Variants in BOD1L1 observed in about 807,000 individuals in gnomAD.
BOD1L1 encodes biorientation of chromosomes in cell division 1 like 1, also known as biorientation of chromosomes in cell division protein 1-like 1.
Under a neutral mutation model 240.7 loss-of-function variants are expected in BOD1L1, and 86 were observed. That is an observed-to-expected ratio of 0.36 (90% CI 0.30 to 0.43). The LOEUF is 0.43. BOD1L1 is among the 20% of genes least tolerant of loss of function. The probability of loss-of-function intolerance (pLI) is 1.00; values close to 1 mark genes in which losing one functional copy is unlikely to be tolerated. For missense variants in BOD1L1, 3,554 were observed against 3,643.5 expected (o/e 0.98, Z 0.63); for synonymous variants, 1,268 against 1,272.3 (o/e 1.00, Z 0.07).
intron 12 of BOD1L1, among the ~76,000 whole-genome samples, 199 bp downstream of exon 12, chr4:13,595,661 T>C (rs1714561147): frequency 6.6e-6 from 1 of 152,216 alleles, no homozygotes; most frequent in African/African-American, 2.4e-5. Context: ...CCCTACATAA[T>C]GTTGATTGAC....
In BOD1L1 at chr4:13,604,268, T is replaced by C. The variant is rs1193809542; in HGVS notation, c.2632A>G (p.Met878Val). The change falls in exon 10 of 26, where the codon ATG becomes GTG. Residue 878 changes from methionine to valine, a missense_variant. Coordinates refer to ENST00000040738, the MANE Select transcript of BOD1L1 (RefSeq NM_148894.3). ...SESYSEDKCD[M>V]DSTNMDSNLK... ...TTACTATCCATGTTAGTGGAGTCCA[T>C]ATCACACTTATCTTCCGAATAACTT... is the stretch of plus-strand genomic sequence containing the variant. The C allele has an allele frequency of 5.0e-6, 8 of 1,610,496 alleles. No homozygotes were observed. The African/African-American group carries it at 6.7e-5, about 13-fold the overall frequency.
rs551321662 is a variant in BOD1L1 at position 13,614,563 on chromosome 4, T to C, written c.807A>G (p.Glu269=). 6.2e-7 allele frequency: 1 copy of C among 1,614,044 alleles called. No individual in the cohort carries two copies. The highest frequency in any genetic ancestry group is 2.2e-5 in the East Asian group (1 of 44,882). Residue 269 remains glutamate (E), a synonymous_variant, in exon 4 of 26, where the codon GAA becomes GAG. Transcript: ENST00000040738. ...KEKSTADSGG[E]GLETAPKSEE... is the part of the protein sequence containing the mutation. ...CAGACTTTGGGGCTGTTTCCAGTCC[T>C]TCACCTCCAGAGTCAGCTGTAGATT...
At position 13,569,300 on chromosome 4, in the gene BOD1L1, A is replaced by G. The variant is rs1712006603; in HGVS notation, c.*711T>C. On this transcript the variant is annotated 3_prime_UTR_variant, in exon 26 of 26. Coordinates refer to ENST00000040738, the MANE Select transcript of BOD1L1 (RefSeq NM_148894.3). ...GTTTTGTGTCAACGTGGCTGGTAGT[A>G]AAGTCACAGATGCAAGTATAATCTA... is the stretch of plus-strand genomic sequence containing the variant. 6.6e-6 allele frequency: 1 copy of G among 152,240 alleles called. No homozygotes were observed. The allele number at this position is 152,240 out of a possible 1,614,324, so 9.4% of individuals were successfully genotyped here.
Position 13,603,682 on chromosome 4 carries a change from T to C in BOD1L1, c.3218A>G (p.Asn1073Ser). ...TTCTTGTGACAAGCTTCCTCTCCGATTTTCGCACAACCTTCTACTTAATTT... is the reference window on the plus strand; with the variant it reads ...TTCTTGTGACAAGCTTCCTCTCCGACTTTCGCACAACCTTCTACTTAATTT... The part of the protein sequence containing the change: ...EKKLSRRLCE[N>S]RRGSLSQEMA... Residue 1073 changes from asparagine to serine, a missense_variant, in exon 10 of 26, where the codon AAT (asparagine) becomes AGT (serine). By Grantham distance (46) the Asn-to-Ser change is conservative. Coordinates refer to ENST00000040738, the MANE Select transcript of BOD1L1 (RefSeq NM_148894.3). 3 of 1,614,010 alleles carry C rather than the reference T, an allele frequency of 1.9e-6. No individual in the cohort carries two copies. Among genetic ancestry groups the C allele is most frequent in the Non-Finnish European group, 2.5e-6 (3 of 1,179,878 alleles).
chr4:13,573,603 A>C (rs1387735742), intron 25 of BOD1L1, among the ~76,000 whole-genome samples: 1 of 152,060 alleles, frequency 6.6e-6, no homozygotes, highest in Non-Finnish European at 1.5e-5. Flanking sequence ...TTCTCACTGC[A>C]ACCTCCACTT....
rs147679849 is a variant in BOD1L1 at position 13,607,117 on chromosome 4, C to A, written c.1815G>T (p.Glu605Asp). Residue 605 changes from glutamate to aspartate, a missense_variant and splice_region_variant, in exon 9 of 26, where the codon GAG (glutamate) becomes GAT (aspartate). Transcript: ENST00000040738. ...EDSKETLKTSEHCEKEKISSS... is the reference protein window; with the variant it reads ...EDSKETLKTSDHCEKEKISSS... ...GAAATGAGGTTTTATTAAGGCATAC[C>A]TCACTTGTTTTAAGGGTTTCTTTGG... 6.4e-7 allele frequency: 1 copy of A among 1,551,168 alleles called. No individual in the cohort carries two copies. The highest frequency in any genetic ancestry group is 2.4e-5 in the East Asian group (1 of 41,166).
rs1403411795 is a variant in BOD1L1 at position 13,600,807 on chromosome 4, ATCT to A, written c.6090_6092del (p.Glu2030del). 1.2e-6 allele frequency: 2 copies of A among 1,613,918 alleles called. No homozygotes were observed. The highest frequency in any genetic ancestry group is 1.7e-5 in the Admixed American group (1 of 60,014). The stretch of plus-strand genomic sequence containing the variant: ...TTTCTACAGAGGTGATGATGTCCTC[ATCT>A]TCTTTTTCACTTGGTGATGTGTGAG... On this transcript the variant is annotated inframe_deletion, in exon 10 of 26. Coordinates refer to ENST00000040738, the MANE Select transcript of BOD1L1 (RefSeq NM_148894.3).
chr4:13,603,265 G>A lies in BOD1L1; in HGVS notation c.3635C>T (p.Ala1212Val), dbSNP rs759350134. 6.2e-7 allele frequency: 1 copy of A among 1,613,938 alleles called. No individual in the cohort carries two copies. The highest frequency in any genetic ancestry group is 8.5e-7 in the Non-Finnish European group (1 of 1,179,880). ...TLTKKMHIQSAVSKMNPGEKE... is the reference protein window; with the variant it reads ...TLTKKMHIQSVVSKMNPGEKE... Reference sequence around the variant, plus strand: ...CTCCCCAGGGTTCATTTTGGACACAGCACTTTGTATATGCATTTTCTTGGT... The same window carrying A: ...CTCCCCAGGGTTCATTTTGGACACAACACTTTGTATATGCATTTTCTTGGT... Residue 1212 changes from alanine (A) to valine (V), a missense_variant, in exon 10 of 26, where the codon GCT becomes GTT. By Grantham distance (64) the Ala-to-Val change is moderately conservative. Transcript: ENST00000040738.
In BOD1L1 at chr4:13,627,700, A is replaced by G; in HGVS notation, c.-113T>C. On this transcript the variant is annotated 5_prime_UTR_variant, in exon 1 of 26. Transcript: ENST00000040738. Reference sequence around the variant, plus strand: ...GCCAACGGGATGTTGTTACGGAACCAGCGGATCCAGAGCAACCCCGGAAGT... The same window carrying G: ...GCCAACGGGATGTTGTTACGGAACCGGCGGATCCAGAGCAACCCCGGAAGT... 2.1e-6 allele frequency: 2 copies of G among 937,264 alleles called. No homozygotes were observed. Among genetic ancestry groups the G allele is most frequent in the Non-Finnish European group, 2.6e-6 (2 of 781,110 alleles). 58.1% of individuals were successfully genotyped at this position (937,264 alleles called of 1,614,324 possible).
At chr4:13,587,658 A>G (rs749100705) in intron 16 of BOD1L1, 41 bp downstream of exon 16, 2 of 1,412,828 alleles carry the variant, frequency 1.4e-6, no homozygotes, top group African/African-American at 1.4e-5. Context: ...AAAAATAATG[A>G]TTTTCAAAGA....
chr4:13,597,758 T>C (rs1054910936), intron 10 of BOD1L1, among the ~76,000 whole-genome samples: 2 of 152,228 alleles, frequency 1.3e-5, no homozygotes, highest in African/African-American at 4.8e-5. Flanking sequence ...TGAGTAATTG[T>C]AGCAATGATT....
At chr4:13,609,533 G>T in intron 6 of BOD1L1, 127 bp from the exon 7 acceptor site, 1 of 547,636 alleles carries the variant, frequency 1.8e-6, no homozygotes, top group Non-Finnish European at 3.1e-6. Context: ...CTGAAAAAAT[G>T]CACATACACT....
In BOD1L1 at chr4:13,597,564, C is replaced by G. The variant is rs924194781; in HGVS notation, c.7955-396G>C. Among the ~76,000 whole-genome samples the G allele has an allele frequency of 3.9e-5, 6 of 152,294 alleles. No homozygotes were observed. The East Asian group carries it at 9.7e-4, about 25-fold the overall frequency. ...TTTATTAACAGATTCACTTTACTTGCTTCACACTGAACACAGAAAAATTGA... is the reference window on the plus strand; with the variant it reads ...TTTATTAACAGATTCACTTTACTTGGTTCACACTGAACACAGAAAAATTGA... On this transcript the variant is annotated intron_variant, in intron 10 of 25. Transcript: ENST00000040738.
chr4:13,582,010 T>C (rs1471690762), intron 19 of BOD1L1, among the ~76,000 whole-genome samples: 1 of 151,966 alleles, frequency 6.6e-6, no homozygotes, highest in Non-Finnish European at 1.5e-5. Flanking sequence ...GGCTATGACA[T>C]AAGTGGGTCT....
chr4:13,619,726 G>T (rs956861087), intron 2 of BOD1L1, among the ~76,000 whole-genome samples: 2 of 151,972 alleles, frequency 1.3e-5, no homozygotes, highest in Non-Finnish European at 2.9e-5. Flanking sequence ...ATTTCCAAAG[G>T]TCTATAGGAA....
chr4:13,592,271 A>G (rs1714277859), intron 12 of BOD1L1: 2 of 288,840 alleles, frequency 6.9e-6, no homozygotes, highest in Non-Finnish European at 1.3e-5. Flanking sequence ...TTAGAAAAAA[A>G]GTAAAAGACC....
chr4:13,577,557 T>C (rs749892895), intron 23 of BOD1L1, 25 bp downstream of exon 23: 1 of 1,586,364 alleles, frequency 6.3e-7, no homozygotes, highest in South Asian at 1.1e-5. Context: ...AAACAACATA[T>C]CTTGATAAGA....
chr4:13,580,228 G>C (rs1010820266), intron 21 of BOD1L1, among the ~76,000 whole-genome samples: 2 of 152,208 alleles, frequency 1.3e-5, no homozygotes, highest in Admixed American at 1.3e-4. Flanking sequence ...CATGGCCACT[G>C]TGGTTAATGT....
Position 13,604,756 on chromosome 4 carries a change from C to G in BOD1L1, c.2144G>C (p.Ser715Thr). ...GGATTTCACCTCTTTCTTAAGTAGG[C>G]TTTTCAAATGTGGTGTTTCAGAATC... ...KDDSETPHLKSLLKKEVKSSK... is the reference protein window; with the variant it reads ...KDDSETPHLKTLLKKEVKSSK... Residue 715 changes from serine (S) to threonine (T), a missense_variant, in exon 10 of 26, where the codon AGC (serine) becomes ACC (threonine). Ser to Thr is a moderately conservative substitution (Grantham distance 58). Transcript: ENST00000040738. The G allele has an allele frequency of 3.1e-6, 5 of 1,613,042 alleles. No homozygotes were observed. Among genetic ancestry groups the G allele is most frequent in the Non-Finnish European group, 4.2e-6 (5 of 1,179,630 alleles).
Sources: allele counts gnomAD v4.1 joint callset (sites outside exome capture counted in the v4.1 genomes callset), GRCh38; gene constraint gnomAD v4.1.1; transcripts MANE v1.5; gene names NCBI Gene and HGNC (gene_info 2026-07-23, HGNC 2026-07-21).